The following LDB2 variants were observed in gnomAD, a reference collection of about 807,000 sequenced individuals.
LDB2 encodes the protein LIM domain binding 2.
Under a neutral mutation model 44.3 loss-of-function variants are expected in LDB2, and 12 were observed. That is an observed-to-expected ratio of 0.27 (90% CI 0.17 to 0.44). The LOEUF (loss-of-function observed/expected upper bound fraction) is 0.44. Among genes scored for constraint, LDB2 ranks in the 20% least tolerant of loss-of-function variants. LDB2 has a pLI of 1.00. For synonymous variants in LDB2, 164 were observed against 174.8 expected (o/e 0.94, Z 0.49); for missense variants, 344 against 473.5 (o/e 0.73, Z 2.54).
At chr4:16,896,703 T>C (rs1216729792) in intron 1 of LDB2, among the ~76,000 whole-genome samples, 1 of 152,226 alleles carries the variant, frequency 6.6e-6, no homozygotes, top group Admixed American at 6.5e-5. Context: ...TTTTCCAAAT[T>C]TGTATTGCAA....
At chr4:16,878,479 CCTTCTG>C (rs1461455434) in intron 1 of LDB2, among the ~76,000 whole-genome samples, 1 of 152,208 alleles carries the variant, frequency 6.6e-6, no homozygotes, top group Non-Finnish European at 1.5e-5. Context: ...TCTAATATGT[CCTTCTG>C]CTTCTGCTTT....
chr4:16,507,814 A>T (rs1220725813), intron 7 of LDB2, among the ~76,000 whole-genome samples: 1 of 152,184 alleles, frequency 6.6e-6, no homozygotes, highest in African/African-American at 2.4e-5. Flanking sequence ...GGCAGAAGGG[A>T]CAGAATTCAA....
intron 5 of LDB2, among the ~76,000 whole-genome samples, chr4:16,576,212 A>G (rs553272155): frequency 1.3e-5 from 2 of 152,302 alleles, no homozygotes; most frequent in Non-Finnish European, 2.9e-5. Flanking sequence ...CAAATCCAAA[A>G]TTTCTAGAAG....
chr4:16,724,579 A>G (rs1759027194), intron 2 of LDB2, among the ~76,000 whole-genome samples: 1 of 151,894 alleles, frequency 6.6e-6, no homozygotes, highest in Admixed American at 6.6e-5. Flanking sequence ...GCTATGGTAA[A>G]TCTATAGTAT....
At chr4:16,788,988 T>C (rs1158678698) in intron 1 of LDB2, among the ~76,000 whole-genome samples, 1 of 152,156 alleles carries the variant, frequency 6.6e-6, no homozygotes, top group Non-Finnish European at 1.5e-5. Context: ...ATGGGGTTTT[T>C]TTTTCTGCTG....
chr4:16,838,059 C>CAAAT (rs1785201690), intron 1 of LDB2, among the ~76,000 whole-genome samples: 1 of 152,158 alleles, frequency 6.6e-6, no homozygotes, highest in South Asian at 2.1e-4. Context: ...AGGCTTTTGG[C>CAAAT]AGTCGTGAAA....
At chr4:16,837,341 T>C (rs1461891982) in intron 1 of LDB2, among the ~76,000 whole-genome samples, 2 of 152,132 alleles carry the variant, frequency 1.3e-5, no homozygotes, top group East Asian at 3.9e-4. Flanking sequence ...ACCAGACACA[T>C]ATTAGAGACT....
Position 16,767,328 on chromosome 4 carries a change from T to G in LDB2, c.133-8068A>C, listed in dbSNP as rs567758174. On this transcript the variant is annotated intron_variant, in intron 1 of 7. Transcript: ENST00000304523. ...ATTCTTTTAAAAGAGGAGTGTATAT[T>G]AAGGCCTTCATTAACCAAAAGGAGG... is the stretch of plus-strand genomic sequence containing the variant. Among the ~76,000 whole-genome samples, 19 of 152,316 alleles carry G rather than the reference T, an allele frequency of 1.2e-4. No individual in the cohort carries two copies. In the East Asian group the frequency reaches 3.7e-3, roughly 29 times the overall value.
At position 16,533,745 on chromosome 4, in the gene LDB2, G is replaced by A. The variant is rs1730875913; in HGVS notation, c.616-21641C>T. Among the ~76,000 whole-genome samples the A allele has an allele frequency of 6.6e-6, 1 of 152,040 alleles. No homozygotes were observed. Among genetic ancestry groups the A allele is most frequent in the Non-Finnish European group, 1.5e-5 (1 of 68,018 alleles). ...TGCCCTCCAGTAAAATTCCATTTTG[G>A]GGTTGCATAAAAACAACAATTCCTG... On this transcript the variant is annotated intron_variant, in intron 5 of 7. Coordinates refer to ENST00000304523, the MANE Select transcript of LDB2 (RefSeq NM_001290.5). This position sits in a 1 kb window ranked among gnomAD's most constrained non-coding sequence, Gnocchi z 4.1.
chr4:16,686,791 A>G (rs1749357649), intron 2 of LDB2, among the ~76,000 whole-genome samples: 1 of 152,208 alleles, frequency 6.6e-6, no homozygotes, highest in Admixed American at 6.5e-5. Context: ...AGTAGCATAT[A>G]GGTCCATGGG....
chr4:16,764,666 T>C (rs1456501135), intron 1 of LDB2, among the ~76,000 whole-genome samples: 1 of 152,072 alleles, frequency 6.6e-6, no homozygotes, highest in African/African-American at 2.4e-5. Context: ...AAAGAAAAGA[T>C]ACTAATTAAA....
intron 2 of LDB2, among the ~76,000 whole-genome samples, chr4:16,696,099 G>C (rs1490394684): frequency 6.6e-6 from 1 of 152,232 alleles, no homozygotes; most frequent in Non-Finnish European, 1.5e-5. Context: ...GCCTTGGGGA[G>C]AGAGGAAAGT....
At chr4:16,746,689 A>G (rs1437045994) in intron 2 of LDB2, among the ~76,000 whole-genome samples, 2 of 152,216 alleles carry the variant, frequency 1.3e-5, no homozygotes, top group African/African-American at 2.4e-5. Flanking sequence ...CAGGAGGCTG[A>G]GGCAGGAGAA....
chr4:16,879,115 C>T lies in LDB2; in HGVS notation c.132+19239G>A, dbSNP rs564380804. The stretch of plus-strand genomic sequence containing the variant: ...GCGGTATTGTATGCTAAACACCTGG[C>T]TCTGCTTGATATAGATGTACCAAAT... On this transcript the variant is annotated intron_variant, in intron 1 of 7. Transcript: ENST00000304523. Among the ~76,000 whole-genome samples the T allele has an allele frequency of 3.7e-3, 563 of 152,234 alleles. 11 individuals carry two copies. Among genetic ancestry groups the T allele is most frequent in the Non-Finnish European group, 1.9e-3 (132 of 68,012 alleles).
At chr4:16,783,692 GT>G (rs1267865955) in intron 1 of LDB2, among the ~76,000 whole-genome samples, 2 of 152,154 alleles carry the variant, frequency 1.3e-5, no homozygotes, top group African/African-American at 4.8e-5. Context: ...TTTGCCCTTG[GT>G]TTTTTACATT....
intron 2 of LDB2, among the ~76,000 whole-genome samples, chr4:16,685,692 T>A (rs769838053): frequency 1.3e-4 from 20 of 152,150 alleles, no homozygotes; most frequent in Non-Finnish European, 2.8e-4. Flanking sequence ...TATCCTAACA[T>A]CACAAGCAAA....
Position 16,502,568 on chromosome 4 carries a change from CTCCTG to C in LDB2, c.*70_*74del. The C allele has an allele frequency of 1.3e-6, 2 of 1,564,532 alleles. No homozygotes were observed. Among genetic ancestry groups the C allele is most frequent in the East Asian group, 4.5e-5 (2 of 44,006 alleles). Reference sequence around the variant, plus strand: ...AAAGTTTTTATCTCTTCTGTTTCCTCTCCTGTAAGTAAAGATTTGCAATTGTAATG... The same window carrying C: ...AAAGTTTTTATCTCTTCTGTTTCCTCTAAGTAAAGATTTGCAATTGTAATG... On this transcript the variant is annotated 3_prime_UTR_variant, in exon 8 of 8. Coordinates refer to ENST00000304523, the MANE Select transcript of LDB2 (RefSeq NM_001290.5).
chr4:16,613,905 T>C (rs191437872), intron 2 of LDB2, among the ~76,000 whole-genome samples: 2 of 152,306 alleles, frequency 1.3e-5, no homozygotes, highest in Admixed American at 1.3e-4. Flanking sequence ...TTCACAGAAT[T>C]AGAAAAAAAC....
At chr4:16,844,992 C>A (rs767182148) in intron 1 of LDB2, among the ~76,000 whole-genome samples, 1 of 152,194 alleles carries the variant, frequency 6.6e-6, no homozygotes, top group South Asian at 2.1e-4. Context: ...GCAGATGCAG[C>A]GGAATCTACT....
Sources: gnomAD v4.1 joint callset for allele counts (sites outside exome capture counted in the v4.1 genomes callset) on GRCh38, gnomAD v4.1.1 for gene constraint, Gnocchi (gnomAD v3.1) non-coding constraint, MANE v1.5 for transcripts, NCBI Gene and HGNC (gene_info 2026-07-23, HGNC 2026-07-21) for gene names.